The following CAPN5 variants were observed in gnomAD, a reference collection of about 807,000 sequenced individuals.
CAPN5 encodes calpain-5.
A neutral mutation model predicts 73.0 loss-of-function variants in CAPN5; 54 were observed. The observed-to-expected ratio is 0.74, with a 90% CI of 0.59 to 0.93. The LOEUF (loss-of-function observed/expected upper bound fraction) is 0.93. CAPN5 is among the 40% of genes least tolerant of loss of function. The pLI, the probability that CAPN5 is intolerant of heterozygous loss-of-function variation, is 0.00. For synonymous variants in CAPN5, 335 were observed against 356.9 expected (o/e 0.94, Z 0.69); for missense variants, 785 against 882.9 (o/e 0.89, Z 1.41).
intron 7 of CAPN5, 133 bp downstream of exon 7, chr11:77,116,436 A>T (rs1439739007): frequency 1.8e-5 from 13 of 712,772 alleles, no homozygotes; most frequent in Non-Finnish European, 3.0e-5. Context: ...GTGGCCTTGG[A>T]CAAGTCACAC....
intron 1 of CAPN5, among the ~76,000 whole-genome samples, chr11:77,083,515 C>T (rs1411820437): frequency 6.6e-6 from 1 of 152,204 alleles, no homozygotes; most frequent in Non-Finnish European, 1.5e-5. Flanking sequence ...GGGCAGGTCA[C>T]CTCACCTCAC....
intron 3 of CAPN5, among the ~76,000 whole-genome samples, chr11:77,108,985 T>A (rs908700096): frequency 1.1e-4 from 17 of 152,182 alleles, no homozygotes; most frequent in East Asian, 3.8e-4. Flanking sequence ...GGTGTGGGTT[T>A]TGTTGACTGT....
At position 77,074,478 on chromosome 11, in the gene CAPN5, G is replaced by A. The variant is rs187204777; in HGVS notation, c.-36+7384G>A. Among the ~76,000 whole-genome samples, 185 of 152,276 alleles carry A rather than the reference G, an allele frequency of 1.2e-3. 1 individual carries two copies. Among genetic ancestry groups the A allele is most frequent in the African/African-American group, 4.3e-3 (178 of 41,564 alleles). On this transcript the variant is annotated intron_variant, in intron 1 of 12. Coordinates refer to ENST00000648180, the MANE Select transcript of CAPN5 (RefSeq NM_004055.5). ...TCTGGCCCTGCTCGGGCTCCATCTC[G>A]GAAGGCCACCACCATTCACCCCCAG...
At chr11:77,074,338 GA>G (rs1445035418) in intron 1 of CAPN5, among the ~76,000 whole-genome samples, 1 of 152,130 alleles carries the variant, frequency 6.6e-6, no homozygotes, top group Admixed American at 6.5e-5. Flanking sequence ...CAGCCCTGCA[GA>G]GCTGGTTCTG....
At chr11:77,085,099 C>G in intron 2 of CAPN5, 48 bp downstream of exon 2, 2 of 1,542,988 alleles carry the variant, frequency 1.3e-6, no homozygotes, top group Non-Finnish European at 1.8e-6. Context: ...CCCAGGCCCA[C>G]CCACAAGGCT....
intron 3 of CAPN5, among the ~76,000 whole-genome samples, chr11:77,100,321 C>G (rs1950271429): frequency 6.6e-6 from 1 of 152,216 alleles, no homozygotes; most frequent in Admixed American, 6.5e-5. Context: ...ATCCTGCCTG[C>G]TCCCTTGCCC....
rs375279080 is a variant in CAPN5 at position 77,103,623 on chromosome 11, G to C, written c.298-8966G>C. ...CCAGTGTGCATGGACAGTGAGGCCAGGGCCATCTGCCTTCTCTCTGCTTCA... is the reference window on the plus strand; with the variant it reads ...CCAGTGTGCATGGACAGTGAGGCCACGGCCATCTGCCTTCTCTCTGCTTCA... On this transcript the variant is annotated intron_variant, in intron 3 of 12. Transcript: ENST00000648180. Among the ~76,000 whole-genome samples the C allele has an allele frequency of 1.6e-4, 25 of 152,328 alleles. 2 individuals are homozygous for C. Among genetic ancestry groups the C allele is most frequent in the African/African-American group, 6.0e-4 (25 of 41,580 alleles).
intron 1 of CAPN5, among the ~76,000 whole-genome samples, chr11:77,076,569 A>G (rs573373230): frequency 1.3e-5 from 2 of 152,186 alleles, no homozygotes; most frequent in African/African-American, 4.8e-5. Context: ...TTCTGCTTCT[A>G]TGAGTTCAAC....
At chr11:77,084,778 T>C (rs994719192) in intron 1 of CAPN5, 74 bp from the exon 2 acceptor site, 3 of 1,341,946 alleles carry the variant, frequency 2.2e-6, no homozygotes, top group Non-Finnish European at 2.1e-6. Flanking sequence ...ATGGGGCTGA[T>C]GATGTCCGCT....
At chr11:77,121,738 G>C (rs1555042825) in intron 10 of CAPN5, among the ~76,000 whole-genome samples, 196 bp from the exon 11 acceptor site, 1 of 152,206 alleles carries the variant, frequency 6.6e-6, no homozygotes, top group African/African-American at 2.4e-5. Context: ...GGGTACCCTT[G>C]ATAGGGATAG....
chr11:77,103,196 G>C, intron 3 of CAPN5: 1 of 1,613,808 alleles, frequency 6.2e-7, no homozygotes, highest in Non-Finnish European at 8.5e-7. Context: ...ATTGGAATGA[G>C]GCCGACGCCC....
intron 3 of CAPN5, among the ~76,000 whole-genome samples, chr11:77,106,196 C>CTG (rs1237511362): frequency 6.6e-6 from 1 of 152,132 alleles, no homozygotes; most frequent in Non-Finnish European, 1.5e-5. Context: ...AGAGTAGCTG[C>CTG]TGCCCCCTGG....
At chr11:77,067,406 G>C (rs1250122621) in intron 1 of CAPN5, among the ~76,000 whole-genome samples, 1 of 145,314 alleles carries the variant, frequency 6.9e-6, no homozygotes, top group African/African-American at 2.5e-5. Context: ...CCTAACACCC[G>C]GGGCTAGACT....
intron 1 of CAPN5, chr11:77,071,710 G>C (rs1385232040): frequency 4.6e-6 from 2 of 433,562 alleles, no homozygotes; most frequent in Non-Finnish European, 9.6e-6. Flanking sequence ...TGCCCAGCCT[G>C]ACATCTTGGG....
chr11:77,088,568 A>C (rs1468372228), intron 2 of CAPN5, among the ~76,000 whole-genome samples: 2 of 151,516 alleles, frequency 1.3e-5, no homozygotes, highest in Non-Finnish European at 2.9e-5. Context: ...GTAGGCTACA[A>C]CTCCCTTTCC....
chr11:77,068,210 G>C (rs1365253540), intron 1 of CAPN5, among the ~76,000 whole-genome samples: 1 of 152,134 alleles, frequency 6.6e-6, no homozygotes, highest in Non-Finnish European at 1.5e-5. Context: ...GGGGTGGGGT[G>C]GTGTGGCTGC....
Position 77,125,755 on chromosome 11 carries a change from C to A in CAPN5, c.*1885C>A, listed in dbSNP as rs1950569642. Reference sequence around the variant, plus strand: ...CACATAGGACTTTGCTCAGCCATGTCCCCTGGGATACAGGGGCACACCAGG... The same window carrying A: ...CACATAGGACTTTGCTCAGCCATGTACCCTGGGATACAGGGGCACACCAGG... On this transcript the variant is annotated 3_prime_UTR_variant, in exon 13 of 13. Transcript: ENST00000648180. 6.6e-6 allele frequency: 1 copy of A among 152,464 alleles called. No homozygotes were observed. The highest frequency in any genetic ancestry group is 6.5e-5 in the Admixed American group (1 of 15,274). 9.4% of individuals were successfully genotyped at this position (152,464 alleles called of 1,614,324 possible).
At chr11:77,103,440 C>G (rs561358134) in intron 3 of CAPN5, 114 of 1,371,834 alleles carry the variant, frequency 8.3e-5, no homozygotes, top group Admixed American at 6.2e-4. Context: ...TCAGCCTGTC[C>G]TCTGCTTGCC....
rs141679073 is a variant in CAPN5, at chr11:77,074,542, G to A, written c.-36+7448G>A. On this transcript the variant is annotated intron_variant, in intron 1 of 12. Coordinates refer to ENST00000648180, the MANE Select transcript of CAPN5 (RefSeq NM_004055.5). ...AGCCAGCTCAGCGCCAGCCCAAATC[G>A]GGCACCAGCAAAGATGTGCAAGTTG... Among the ~76,000 whole-genome samples, 129 of 152,160 alleles carry A rather than the reference G, an allele frequency of 8.5e-4. 1 individual carries two copies. Among genetic ancestry groups the A allele is most frequent in the African/African-American group, 3.1e-3 (128 of 41,508 alleles).
Sources: allele counts gnomAD v4.1 joint callset (sites outside exome capture counted in the v4.1 genomes callset), GRCh38; gene constraint gnomAD v4.1.1; transcripts MANE v1.5; gene names NCBI Gene and HGNC (gene_info 2026-07-23, HGNC 2026-07-21).